TRAF3: variants seen among roughly 807,000 people sequenced by gnomAD.
The protein encoded by TRAF3 is TNF receptor-associated factor 3.
TRAF3 carries 13 observed loss-of-function variants against 62.3 expected under a neutral mutation model. The observed-to-expected ratio is 0.21, with a 90% confidence interval of 0.14 to 0.33. The LOEUF is 0.33. Among genes scored for constraint, TRAF3 ranks in the 10% least tolerant of loss-of-function variants. The pLI is 1.00. For synonymous variants in TRAF3, 269 were observed against 283.4 expected, an observed-to-expected ratio of 0.95 and a Z score of 0.51; for missense variants, 440 against 741.8, an observed-to-expected ratio of 0.59 and a Z score of 4.73.
At chr14:102,789,431 A>C (rs1309331106) in intron 1 of TRAF3, among the ~76,000 whole-genome samples, 3 of 151,956 alleles carry the variant, frequency 2.0e-5, no homozygotes, top group Admixed American at 6.6e-5. Flanking sequence ...TCCCACCAGC[A>C]GTGTTCCAAT....
intron 9 of TRAF3, among the ~76,000 whole-genome samples, chr14:102,893,128 C>T (rs1889815543): frequency 1.3e-5 from 2 of 152,134 alleles, no homozygotes; most frequent in African/African-American, 4.8e-5. Flanking sequence ...GTGGCTCATG[C>T]CTGTAATCCC....
chr14:102,905,787 A>G lies in TRAF3; in HGVS notation c.*3A>G. Reference sequence around the variant, plus strand: ...CTTCGGATCTGCCCGATCCCTGATAAGTAGCTGGGGAGGTGGATTTAGCAG... The same window carrying G: ...CTTCGGATCTGCCCGATCCCTGATAGGTAGCTGGGGAGGTGGATTTAGCAG... On this transcript the variant is annotated 3_prime_UTR_variant, in exon 12 of 12. Coordinates refer to ENST00000392745, the MANE Select transcript of TRAF3 (RefSeq NM_145725.3). 6.2e-7 allele frequency: 1 copy of G among 1,612,768 alleles called. No individual in the cohort carries two copies. The highest frequency in any genetic ancestry group is 8.5e-7 in the Non-Finnish European group (1 of 1,179,176).
At chr14:102,815,161 A>G (rs549438452) in intron 1 of TRAF3, among the ~76,000 whole-genome samples, 1 of 152,180 alleles carries the variant, frequency 6.6e-6, no homozygotes, top group Admixed American at 6.5e-5. Context: ...CTGGTCTCAA[A>G]CTGCTGGGCT....
At chr14:102,814,932 C>A (rs979779792) in intron 1 of TRAF3, among the ~76,000 whole-genome samples, 7 of 151,974 alleles carry the variant, frequency 4.6e-5, no homozygotes, top group Non-Finnish European at 1.0e-4. Context: ...GTATCCTTTT[C>A]TTTTCTTTTC....
chr14:102,876,532 G>T lies in TRAF3; in HGVS notation c.570+7G>T, dbSNP rs757438002. On this transcript the variant is annotated splice_region_variant and intron_variant, in intron 6 of 11. Transcript: ENST00000392745. ...TCCGATGATCGCGCTGCAGGTGCGG[G>T]TCCTCCCATTCCACAGGCCTTCCAC... The T allele has an allele frequency of 3.7e-6, 6 of 1,612,618 alleles. No homozygotes were observed. The highest frequency in any genetic ancestry group is 4.2e-6 in the Non-Finnish European group (5 of 1,179,654).
At chr14:102,788,744 G>A (rs373909682) in intron 1 of TRAF3, among the ~76,000 whole-genome samples, 179 of 152,228 alleles carry the variant, frequency 1.2e-3, no homozygotes, top group African/African-American at 3.7e-3. Context: ...GTTGCAGTGA[G>A]CTGAGATCAC....
intron 1 of TRAF3, among the ~76,000 whole-genome samples, chr14:102,779,758 AG>A (rs1897194101): frequency 6.6e-6 from 1 of 152,288 alleles, no homozygotes; most frequent in Admixed American, 6.5e-5. Flanking sequence ...AGTCTGAGCT[AG>A]CTCAAGCAAA....
intron 1 of TRAF3, among the ~76,000 whole-genome samples, chr14:102,792,155 C>A (rs1453743627): frequency 8.8e-6 from 1 of 113,502 alleles, no homozygotes; most frequent in African/African-American, 3.4e-5. Flanking sequence ...GACCAGGTCT[C>A]ACTCTTTTGC....
At chr14:102,798,145 CAG>C (rs1162074653) in intron 1 of TRAF3, among the ~76,000 whole-genome samples, 3 of 152,114 alleles carry the variant, frequency 2.0e-5, no homozygotes, top group Non-Finnish European at 4.4e-5. Context: ...CTTAGGTACT[CAG>C]TGTATTTTCA....
intron 2 of TRAF3, among the ~76,000 whole-genome samples, chr14:102,836,925 TATTGCTACAAA>T: frequency 6.6e-6 from 1 of 152,298 alleles, no homozygotes; most frequent in East Asian, 1.9e-4. Flanking sequence ...CACTGAGGTA[TATTGCTACAAA>T]ATGGCTTCTT....
intron 1 of TRAF3, among the ~76,000 whole-genome samples, chr14:102,778,037 G>A (rs1013510733): frequency 9.3e-5 from 14 of 150,688 alleles, no homozygotes; most frequent in African/African-American, 3.1e-4. Context: ...GCACCCCGCG[G>A]GGCCGCGGGT....
rs1484254616 is a variant in TRAF3, at chr14:102,891,308, CAT to C, written c.727-16_727-15del. 7 of 1,610,956 alleles carry C rather than the reference CAT, an allele frequency of 4.3e-6. No homozygotes were observed. Among genetic ancestry groups the C allele is most frequent in the African/African-American group, 1.3e-5 (1 of 74,880 alleles). ...GCAGCGAGGTTCGCTGAATGCCTCA[CAT>C]GTTTGCTCTCGCAGGGGACAAACCA... is the stretch of plus-strand genomic sequence containing the variant. On this transcript the variant is annotated splice_polypyrimidine_tract_variant and intron_variant, in intron 8 of 11. Coordinates refer to ENST00000392745, the MANE Select transcript of TRAF3 (RefSeq NM_145725.3).
In TRAF3 at chr14:102,876,529, C is replaced by CGGGT; in HGVS notation, c.570+5_570+8dup. 6.2e-7 allele frequency: 1 copy of CGGGT among 1,612,740 alleles called. No homozygotes were observed. Among genetic ancestry groups the CGGGT allele is most frequent in the Non-Finnish European group, 8.5e-7 (1 of 1,179,636 alleles). On this transcript the variant is annotated splice_donor_region_variant and intron_variant, in intron 6 of 11. Transcript: ENST00000392745. ...GGTTCCGATGATCGCGCTGCAGGTGCGGGTCCTCCCATTCCACAGGCCTTC... is the reference window on the plus strand; with the variant it reads ...GGTTCCGATGATCGCGCTGCAGGTGCGGGTGGGTCCTCCCATTCCACAGGCCTTC...
Position 102,910,669 on chromosome 14 carries a change from C to A in TRAF3, c.*4885C>A, listed in dbSNP as rs576457014. The A allele has an allele frequency of 6.6e-6, 1 of 152,308 alleles. No homozygotes were observed. The highest frequency in any genetic ancestry group is 1.5e-5 in the Non-Finnish European group (1 of 68,116). The allele number at this position is 152,308 out of a possible 1,614,324, so 9.4% of individuals were successfully genotyped here. On this transcript the variant is annotated 3_prime_UTR_variant, in exon 12 of 12. Coordinates refer to ENST00000392745, the MANE Select transcript of TRAF3 (RefSeq NM_145725.3). ...GTGGCAGGGCAGACGTGTGAAGCCT[C>A]GGCCGTCTCGGGGCTGGCAGGTGTG...
At chr14:102,812,966 A>G (rs72702792) in intron 1 of TRAF3, among the ~76,000 whole-genome samples, 32,054 of 151,750 alleles carry the variant, frequency 0.21, 3,660 homozygotes, top group East Asian at 0.39. Flanking sequence ...AGTATTTGTT[A>G]TTATTTATTT....
In TRAF3 at chr14:102,781,721, G is replaced by T. The variant is rs139022224; in HGVS notation, c.-157+4046G>T. On this transcript the variant is annotated intron_variant, in intron 1 of 11. Coordinates refer to ENST00000392745, the MANE Select transcript of TRAF3 (RefSeq NM_145725.3). The stretch of plus-strand genomic sequence containing the variant: ...GGCTTGCTGCAACCTCCGCCTCCTG[G>T]GTTCAAATGAGTCTCCTACCTCAGC... Among the ~76,000 whole-genome samples the T allele has an allele frequency of 6.7e-3, 1,021 of 152,078 alleles. 17 individuals are homozygous for T. The highest frequency in any genetic ancestry group is 0.024 in the African/African-American group (997 of 41,432).
chr14:102,894,786 C>T lies in TRAF3; in HGVS notation c.820-2475C>T, dbSNP rs117210008. On this transcript the variant is annotated intron_variant, in intron 9 of 11. Coordinates refer to ENST00000392745, the MANE Select transcript of TRAF3 (RefSeq NM_145725.3). ...GCGCAATTATGGCTCACTGCAGCCTCGACCTCCTGGGCTCAAGTGATCCCA... is the reference window on the plus strand; with the variant it reads ...GCGCAATTATGGCTCACTGCAGCCTTGACCTCCTGGGCTCAAGTGATCCCA... 8.1e-3 allele frequency among the ~76,000 whole-genome samples: 1,226 copies of T among 151,972 alleles called. 47 individuals are homozygous for T. In the East Asian group the frequency reaches 0.12, roughly 15 times the overall value.
At chr14:102,823,804 A>G (rs1199465588) in intron 1 of TRAF3, among the ~76,000 whole-genome samples, 1 of 152,218 alleles carries the variant, frequency 6.6e-6, no homozygotes, top group East Asian at 1.9e-4. Context: ...TTTTTAGTAT[A>G]TTCACAGAGT....
chr14:102,841,340 C>A (rs1177224190), intron 2 of TRAF3, among the ~76,000 whole-genome samples: 1 of 152,184 alleles, frequency 6.6e-6, no homozygotes, highest in Non-Finnish European at 1.5e-5. Context: ...CACCTCAAGG[C>A]TGGGAGGAGA....
Sources: gnomAD v4.1 joint callset for allele counts (sites outside exome capture counted in the v4.1 genomes callset) on GRCh38, gnomAD v4.1.1 for gene constraint, MANE v1.5 for transcripts, NCBI Gene and HGNC (gene_info 2026-07-23, HGNC 2026-07-21) for gene names.